EPHA7: variants seen among roughly 807,000 people sequenced by gnomAD.
The protein encoded by EPHA7 is ephrin type-A receptor 7.
A neutral mutation model predicts 112.6 loss-of-function variants in EPHA7; 25 were observed. The ratio of observed to expected loss-of-function variants is 0.22; its 90% CI spans 0.16 to 0.31. EPHA7 has a LOEUF of 0.31. Among genes scored for constraint, EPHA7 ranks in the 10% least tolerant of loss-of-function variants. EPHA7 has a pLI of 1.00. For synonymous variants in EPHA7, 437 were observed against 406.5 expected (o/e 1.07, Z -0.90); for missense variants, 962 against 1,212.6 (o/e 0.79, Z 3.07).
chr6:93,386,617 G>A (rs556042313), intron 3 of EPHA7, among the ~76,000 whole-genome samples: 3 of 152,228 alleles, frequency 2.0e-5, no homozygotes, highest in Admixed American at 1.3e-4. Flanking sequence ...TGCCCCAGTG[G>A]GGAGTCTGTG....
At chr6:93,290,394 CTA>C (rs1401113087) in intron 5 of EPHA7, among the ~76,000 whole-genome samples, 1 of 151,954 alleles carries the variant, frequency 6.6e-6, no homozygotes, top group Non-Finnish European at 1.5e-5. Context: ...AAAATGAATT[CTA>C]TATATAATAA....
At chr6:93,305,820 T>A (rs769145323) in intron 5 of EPHA7, among the ~76,000 whole-genome samples, 9 of 151,892 alleles carry the variant, frequency 5.9e-5, no homozygotes, top group South Asian at 2.1e-4. Flanking sequence ...ATAAAAAAAA[T>A]TTAAGTTTCT....
intron 5 of EPHA7, among the ~76,000 whole-genome samples, chr6:93,318,419 T>C (rs1168978610): frequency 6.6e-6 from 1 of 152,034 alleles, no homozygotes; most frequent in Non-Finnish European, 1.5e-5. Flanking sequence ...TGTATCTAAG[T>C]GCAGGTTGGC....
In EPHA7 at chr6:93,243,465, T is replaced by C. The variant is rs1769770786; in HGVS notation, c.2958A>G (p.Ala986=). The change falls in exon 17 of 17, where the codon GCA becomes GCG. Residue 986 remains alanine, a synonymous_variant. Transcript: ENST00000369303. The part of the protein sequence containing the change: ...KIMSSIQTMR[A]QMLHLHGTGI... ...CAGTTCCATGTAAATGTAGCATTTG[T>C]GCTCTCATAGTCTGAATGCTGCTCA... 6.2e-7 allele frequency: 1 copy of C among 1,613,584 alleles called. No homozygotes were observed. Among genetic ancestry groups the C allele is most frequent in the Non-Finnish European group, 8.5e-7 (1 of 1,179,590 alleles).
chr6:93,274,984 C>A (rs1222965370), intron 5 of EPHA7, among the ~76,000 whole-genome samples: 1 of 151,836 alleles, frequency 6.6e-6, no homozygotes, highest in Non-Finnish European at 1.5e-5. Flanking sequence ...ACAATGATTT[C>A]TATGGTCAAT....
chr6:93,292,587 T>G (rs2127838611), intron 5 of EPHA7, among the ~76,000 whole-genome samples: 1 of 152,270 alleles, frequency 6.6e-6, no homozygotes, highest in South Asian at 2.1e-4. Context: ...TGTATTAGGC[T>G]ATTAATATCT....
intron 3 of EPHA7, among the ~76,000 whole-genome samples, chr6:93,372,824 T>C (rs1001257682): frequency 2.0e-5 from 3 of 152,102 alleles, no homozygotes; most frequent in Non-Finnish European, 4.4e-5. Flanking sequence ...CATTCCACTT[T>C]TCACATGAAA....
chr6:93,372,942 A>C (rs565177858), intron 3 of EPHA7, among the ~76,000 whole-genome samples: 110 of 152,180 alleles, frequency 7.2e-4, no homozygotes, highest in African/African-American at 2.6e-3. Context: ...ACAAAATTAT[A>C]CTAAAAGGAG....
intron 5 of EPHA7, among the ~76,000 whole-genome samples, chr6:93,288,126 T>G (rs959113554): frequency 6.6e-6 from 1 of 152,156 alleles, no homozygotes; most frequent in African/African-American, 2.4e-5. Flanking sequence ...AATATTTAAA[T>G]GTGAATGTTC....
intron 1 of EPHA7, among the ~76,000 whole-genome samples, chr6:93,415,429 T>C (rs541184693): frequency 1.3e-5 from 2 of 152,140 alleles, no homozygotes; most frequent in South Asian, 4.1e-4. Flanking sequence ...CTCAAAATGG[T>C]ATCAACTCTG....
At chr6:93,375,317 T>G (rs1776999095) in intron 3 of EPHA7, among the ~76,000 whole-genome samples, 1 of 151,856 alleles carries the variant, frequency 6.6e-6, no homozygotes, top group East Asian at 1.9e-4. Flanking sequence ...TTAACAAGAC[T>G]GATAAAAACT....
chr6:93,299,304 C>T (rs964493460), intron 5 of EPHA7, among the ~76,000 whole-genome samples: 6 of 149,142 alleles, frequency 4.0e-5, no homozygotes, highest in South Asian at 2.1e-4. Flanking sequence ...CTAGCCTGGG[C>T]GACAGAGCGA....
intron 3 of EPHA7, among the ~76,000 whole-genome samples, chr6:93,380,778 T>G (rs1440600180): frequency 6.6e-6 from 1 of 152,156 alleles, no homozygotes; most frequent in Non-Finnish European, 1.5e-5. Flanking sequence ...CCTTTCTATA[T>G]AGCAGATAAC....
At chr6:93,387,942 G>A (rs1777702403) in intron 3 of EPHA7, among the ~76,000 whole-genome samples, 1 of 151,664 alleles carries the variant, frequency 6.6e-6, no homozygotes. Context: ...TAGATAGATA[G>A]ATAGATAGAT....
chr6:93,383,712 T>A (rs2127973818), intron 3 of EPHA7, among the ~76,000 whole-genome samples: 1 of 152,260 alleles, frequency 6.6e-6, no homozygotes, highest in South Asian at 2.1e-4. Flanking sequence ...TTTCTTTTTC[T>A]TTTTTTATAG....
intron 14 of EPHA7, 112 bp downstream of exon 14, chr6:93,254,533 CTG>C: frequency 1.4e-6 from 1 of 735,392 alleles, no homozygotes; most frequent in East Asian, 3.1e-5. Context: ...TTGTGGAAAA[CTG>C]TATTTTTATA....
intron 5 of EPHA7, among the ~76,000 whole-genome samples, chr6:93,278,281 C>T (rs1482782498): frequency 6.6e-6 from 1 of 151,992 alleles, no homozygotes; most frequent in African/African-American, 2.4e-5. Flanking sequence ...AAAGTACTGA[C>T]TAAAATGTCA....
chr6:93,330,071 C>A (rs1303174377), intron 5 of EPHA7, among the ~76,000 whole-genome samples: 1 of 151,206 alleles, frequency 6.6e-6, no homozygotes, highest in Admixed American at 6.6e-5. Flanking sequence ...TGAAATAATT[C>A]TTGTTATACA....
intron 3 of EPHA7, among the ~76,000 whole-genome samples, chr6:93,396,154 C>T (rs1778160653): frequency 6.6e-6 from 1 of 151,800 alleles, no homozygotes; most frequent in African/African-American, 2.4e-5. Context: ...AGTGACATGT[C>T]ATTTATCTGT....
Sources: allele counts gnomAD v4.1 joint callset (sites outside exome capture counted in the v4.1 genomes callset), GRCh38; gene constraint gnomAD v4.1.1; transcripts MANE v1.5; gene names NCBI Gene and HGNC (gene_info 2026-07-23, HGNC 2026-07-21).